Variants in OR51D1 observed in about 807,000 individuals in gnomAD.
OR51D1 encodes the protein olfactory receptor family 51 subfamily D member 1, also known as olfactory receptor 51D1.
For missense variants in OR51D1, 452 were observed against 396.2 expected (o/e 1.14, Z -1.20); for synonymous variants, 187 against 161.1 (o/e 1.16, Z -1.22).
rs760852356 is a variant in OR51D1 at position 4,640,560 on chromosome 11, AC to A, written c.772del (p.Leu258SerfsTer41). On this transcript the variant is annotated frameshift_variant, in exon 2 of 2. Coordinates refer to ENST00000641817, the MANE Select transcript of OR51D1 (RefSeq NM_001004751.3). LOFTEE classifies it high-confidence loss of function. ...AAGGCTTTCAACACCTGCATCTCCC[AC>A]CTCTGTGCTGTTCTGGTCTTCTATG... ...ALKAFNTCIS[H>X]LCAVLVFYVP... The A allele has an allele frequency of 6.2e-7, 1 of 1,603,108 alleles. No homozygotes were observed. The highest frequency in any genetic ancestry group is 1.1e-5 in the South Asian group (1 of 90,736).
At position 4,642,175 on chromosome 11, in the gene OR51D1, C is replaced by T. The variant is rs994611515; in HGVS notation, c.*1410C>T. The stretch of plus-strand genomic sequence containing the variant: ...GAAACACGGTGCTTCCTTGCTCCAC[C>T]TTTTCACAGGCCAGACCACACCTTC... On this transcript the variant is annotated 3_prime_UTR_variant, in exon 2 of 2. Coordinates refer to ENST00000641817, the MANE Select transcript of OR51D1 (RefSeq NM_001004751.3). 1 of 152,144 alleles carries T rather than the reference C, an allele frequency of 6.6e-6. No homozygotes were observed. The highest frequency in any genetic ancestry group is 1.5e-5 in the Non-Finnish European group (1 of 68,030). 9.4% of individuals were successfully genotyped at this position (152,144 alleles called of 1,614,324 possible).
chr11:4,640,734 T>C lies in OR51D1; in HGVS notation c.944T>C (p.Val315Ala). ...AAGACCAAAGAGATCTGTTCAAGGG[T>C]CCTCTGTATGTTCTCACAAGGTGGC... is the stretch of plus-strand genomic sequence containing the variant. ...GAKTKEICSRVLCMFSQGGK is the reference protein window; with the variant it reads ...GAKTKEICSRALCMFSQGGK The change falls in exon 2 of 2, where the codon GTC becomes GCC. Residue 315 changes from valine (V) to alanine (A), a missense_variant. Val to Ala is a moderately conservative substitution (Grantham distance 64). Coordinates refer to ENST00000641817, the MANE Select transcript of OR51D1 (RefSeq NM_001004751.3). 1 of 1,612,378 alleles carries C rather than the reference T, an allele frequency of 6.2e-7. No homozygotes were observed. Among genetic ancestry groups the C allele is most frequent in the Non-Finnish European group, 8.5e-7 (1 of 1,179,134 alleles).
chr11:4,639,130 C>T (rs1415516563), intron 1 of OR51D1, among the ~76,000 whole-genome samples: 1 of 152,170 alleles, frequency 6.6e-6, no homozygotes, highest in East Asian at 1.9e-4. Context: ...AAACCTTGCC[C>T]TGGCAATTCT....
Position 4,640,228 on chromosome 11 carries a change from T to C in OR51D1, c.438T>C (p.Ala146=). Residue 146 remains alanine, a synonymous_variant, in exon 2 of 2, where the codon GCT becomes GCC. Transcript: ENST00000641817. ...FVAICHPLRH[A]SVLTGCTVAK... Reference sequence around the variant, plus strand: ...CCATTTGCCACCCATTGCGCCATGCTTCTGTGCTGACAGGGTGTACTGTGG... The same window carrying C: ...CCATTTGCCACCCATTGCGCCATGCCTCTGTGCTGACAGGGTGTACTGTGG... 5 of 1,614,238 alleles carry C rather than the reference T, an allele frequency of 3.1e-6. No homozygotes were observed. The highest frequency in any genetic ancestry group is 3.4e-6 in the Non-Finnish European group (4 of 1,180,046).
Position 4,640,804 on chromosome 11 carries a change from A to G in OR51D1, c.*39A>G, listed in dbSNP as rs1316917710. 6.4e-7 allele frequency: 1 copy of G among 1,556,800 alleles called. No homozygotes were observed. Among genetic ancestry groups the G allele is most frequent in the South Asian group, 1.2e-5 (1 of 82,858 alleles). The stretch of plus-strand genomic sequence containing the variant: ...CTCGCTTCTACTACTACTACAGAAG[A>G]TGGGAATATTAGGATCCTATTGAAT... On this transcript the variant is annotated 3_prime_UTR_variant, in exon 2 of 2. Transcript: ENST00000641817.
Position 4,641,832 on chromosome 11 carries a change from GA to G in OR51D1, c.*1070del, listed in dbSNP as rs1397492285. On this transcript the variant is annotated 3_prime_UTR_variant, in exon 2 of 2. Coordinates refer to ENST00000641817, the MANE Select transcript of OR51D1 (RefSeq NM_001004751.3). ...TATGTGTTATTAGTTGTAAGTCGGT[GA>G]AATGTACATCTGAATTCTGTGTGCA... 1.3e-5 allele frequency: 2 copies of G among 152,374 alleles called. No homozygotes were observed. The highest frequency in any genetic ancestry group is 4.8e-5 in the African/African-American group (2 of 41,450). The allele number at this position is 152,374 out of a possible 1,614,324, so 9.4% of individuals were successfully genotyped here.
In OR51D1 at chr11:4,640,527, C is replaced by T; in HGVS notation, c.737C>T (p.Ala246Val). The change falls in exon 2 of 2, where the codon GCA (alanine) becomes GTA (valine). Residue 246 changes from alanine (A) to valine (V), a missense_variant. Coordinates refer to ENST00000641817, the MANE Select transcript of OR51D1 (RefSeq NM_001004751.3). ...WAVLELSSRR[A>V]ALKAFNTCIS... ...GTTTTGGAGCTGTCCTCTCGGAGGG[C>T]AGCACTCAAGGCTTTCAACACCTGC... is the stretch of plus-strand genomic sequence containing the variant. 1.9e-6 allele frequency: 3 copies of T among 1,613,896 alleles called. No individual in the cohort carries two copies. Among genetic ancestry groups the T allele is most frequent in the Non-Finnish European group, 1.7e-6 (2 of 1,180,016 alleles).
Position 4,640,479 on chromosome 11 carries a change from C to G in OR51D1, c.689C>G (p.Ser230Ter), listed in dbSNP as rs762965780. The change falls in exon 2 of 2, where the codon TCA becomes TGA. Residue 230 changes from serine to a stop codon, truncating the protein, a stop_gained. Transcript: ENST00000641817. LOFTEE classifies it high-confidence loss of function. ...GTGGACTCTCTCTTCATTGGCTTCT[C>G]ATATATCCTCATCCTGTGGGCTGTT... ...MGVDSLFIGFSYILILWAVLE... is the reference protein window; with the variant it reads ...MGVDSLFIGF The G allele has an allele frequency of 1.5e-5, 24 of 1,614,088 alleles. No homozygotes were observed. In the East Asian group the frequency reaches 4.9e-4, roughly 33 times the overall value.
rs1846955185 is a variant in OR51D1 at position 4,640,588 on chromosome 11, A to ACC, written c.801_802dup (p.Leu268ProfsTer32). 3 of 1,599,300 alleles carry ACC rather than the reference A, an allele frequency of 1.9e-6. No homozygotes were observed. Among genetic ancestry groups the ACC allele is most frequent in the Non-Finnish European group, 2.6e-6 (3 of 1,175,318 alleles). On this transcript the variant is annotated frameshift_variant, in exon 2 of 2. Transcript: ENST00000641817. LOFTEE classifies it high-confidence loss of function. ...TCTGTGCTGTTCTGGTCTTCTATGT[A>ACC]CCCCTCATTGGGCTCTCGGTGGTGC...
Position 4,640,291 on chromosome 11 carries a change from ATTC to A in OR51D1, c.508_510del (p.Phe170del), listed in dbSNP as rs529085804. On this transcript the variant is annotated inframe_deletion, in exon 2 of 2. Coordinates refer to ENST00000641817, the MANE Select transcript of OR51D1 (RefSeq NM_001004751.3). ...TATCTGCCCTGACCAGGGGGTTTGT[ATTC>A]TTCTTCCCACTGCCCTTCATCCTCA... The A allele has an allele frequency of 4.5e-4, 733 of 1,614,120 alleles. 6 individuals are homozygous for A. The South Asian group carries it at 7.4e-3, about 16-fold the overall frequency.
In OR51D1 at chr11:4,640,284, G is replaced by A. The variant is rs115815368; in HGVS notation, c.494G>A (p.Gly165Glu). 4.5e-5 allele frequency: 73 copies of A among 1,614,164 alleles called. 1 individual carries two copies. The Middle Eastern group carries it at 8.2e-4, about 18-fold the overall frequency. The part of the protein sequence containing the change: ...AKIGLSALTR[G>E]FVFFFPLPFI... ...ATTGGACTATCTGCCCTGACCAGGG[G>A]GTTTGTATTCTTCTTCCCACTGCCC... Residue 165 changes from glycine (G) to glutamate (E), a missense_variant, in exon 2 of 2, where the codon GGG becomes GAG. Transcript: ENST00000641817.
rs1440216199 is a variant in OR51D1 at position 4,642,555 on chromosome 11, T to C, written c.*1790T>C. On this transcript the variant is annotated 3_prime_UTR_variant, in exon 2 of 2. Coordinates refer to ENST00000641817, the MANE Select transcript of OR51D1 (RefSeq NM_001004751.3). The stretch of plus-strand genomic sequence containing the variant: ...CCTGGTGACAGAGCAAGACTCTGTG[T>C]CAAAAAAAAAAAAAAAAAAAAAGCC... The C allele has an allele frequency of 1.6e-4, 1 of 6,374 alleles. No individual in the cohort carries two copies. The highest frequency in any genetic ancestry group is 4.2e-4 in the African/African-American group (1 of 2,380). 0.4% of individuals were successfully genotyped at this position (6,374 alleles called of 1,614,324 possible).
chr11:4,639,962 A>T lies in OR51D1; in HGVS notation c.172A>T (p.Ile58Phe). Residue 58 changes from isoleucine (I) to phenylalanine (F), a missense_variant, in exon 2 of 2, where the codon ATT becomes TTT. Coordinates refer to ENST00000641817, the MANE Select transcript of OR51D1 (RefSeq NM_001004751.3). ...YALATLGNLT[I>F]VLIIRVERRL... ...CTTGGCCACCCTGGGTAACCTGACC[A>T]TTGTCCTCATCATTCGTGTGGAGAG... 2 of 1,614,128 alleles carry T rather than the reference A, an allele frequency of 1.2e-6. No homozygotes were observed. Among genetic ancestry groups the T allele is most frequent in the Non-Finnish European group, 1.7e-6 (2 of 1,180,020 alleles).
rs1589859248 is a variant in OR51D1 at position 4,642,114 on chromosome 11, C to T, written c.*1349C>T. On this transcript the variant is annotated 3_prime_UTR_variant, in exon 2 of 2. Coordinates refer to ENST00000641817, the MANE Select transcript of OR51D1 (RefSeq NM_001004751.3). The stretch of plus-strand genomic sequence containing the variant: ...GATGCCCAGTTTCTCGGCCTGGGGT[C>T]AGCCTGGGTGATAGCTCAGTCTGTC... The T allele has an allele frequency of 2.0e-5, 3 of 152,184 alleles. No homozygotes were observed. The South Asian group carries it at 6.2e-4, about 32-fold the overall frequency. The allele number at this position is 152,184 out of a possible 1,614,324, so 9.4% of individuals were successfully genotyped here.
chr11:4,640,792 C>G lies in OR51D1; in HGVS notation c.*27C>G. On this transcript the variant is annotated 3_prime_UTR_variant, in exon 2 of 2. Coordinates refer to ENST00000641817, the MANE Select transcript of OR51D1 (RefSeq NM_001004751.3). ...ACACCTTAGTGTCTCGCTTCTACTA[C>G]TACTACAGAAGATGGGAATATTAGG... The G allele has an allele frequency of 3.8e-6, 6 of 1,575,348 alleles. No homozygotes were observed. Among genetic ancestry groups the G allele is most frequent in the Non-Finnish European group, 5.2e-6 (6 of 1,159,678 alleles).
At chr11:4,638,581 C>A (rs540179577) in intron 1 of OR51D1, among the ~76,000 whole-genome samples, 1 of 152,246 alleles carries the variant, frequency 6.6e-6, no homozygotes, top group African/African-American at 2.4e-5. Flanking sequence ...TCTTGCTGAG[C>A]GCAACCTGGG....
rs1435905359 is a variant in OR51D1 at position 4,640,808 on chromosome 11, G to A, written c.*43G>A. The A allele has an allele frequency of 1.3e-6, 2 of 1,542,214 alleles. No homozygotes were observed. The highest frequency in any genetic ancestry group is 4.5e-5 in the East Asian group (2 of 44,360). On this transcript the variant is annotated 3_prime_UTR_variant, in exon 2 of 2. Transcript: ENST00000641817. The stretch of plus-strand genomic sequence containing the variant: ...CTTCTACTACTACTACAGAAGATGG[G>A]AATATTAGGATCCTATTGAATGCCT...
At chr11:4,639,600 C>A in intron 1 of OR51D1, 177 bp from the exon 2 acceptor site, 1 of 629,228 alleles carries the variant, frequency 1.6e-6, no homozygotes, top group East Asian at 2.7e-5. Flanking sequence ...CTCAAGATGT[C>A]CAGGAAGTTG....
At position 4,640,978 on chromosome 11, in the gene OR51D1, A is replaced by G; in HGVS notation, c.*213A>G. ...GAATGACTGCACTAGTCCCTCTGCT[A>G]TGGTGGTCTTGCCTTCTCCTTCTCT... is the stretch of plus-strand genomic sequence containing the variant. On this transcript the variant is annotated 3_prime_UTR_variant, in exon 2 of 2. Transcript: ENST00000641817. The G allele has an allele frequency of 2.0e-6, 1 of 506,864 alleles. No individual in the cohort carries two copies. The highest frequency in any genetic ancestry group is 3.0e-5 in the South Asian group (1 of 33,084). The allele number at this position is 506,864 out of a possible 1,614,324, so 31.4% of individuals were successfully genotyped here.
Sources: gnomAD v4.1 joint callset for allele counts (sites outside exome capture counted in the v4.1 genomes callset) on GRCh38, gnomAD v4.1.1 for gene constraint, MANE v1.5 for transcripts, NCBI Gene and HGNC (gene_info 2026-07-23, HGNC 2026-07-21) for gene names.